Variants in ZNF532 observed in about 807,000 individuals in gnomAD.
ZNF532 encodes the protein zinc finger protein 532.
ZNF532 carries 22 observed loss-of-function variants against 89.3 expected under a neutral mutation model. The ratio of observed to expected loss-of-function variants is 0.25; its 90% CI spans 0.18 to 0.35. The LOEUF is 0.35. ZNF532 is among the 10% of genes least tolerant of loss of function. The probability of loss-of-function intolerance (pLI) is 1.00; values close to 1 mark genes in which losing one functional copy is unlikely to be tolerated. For missense variants in ZNF532, 1,132 were observed against 1,643.4 expected, an observed-to-expected ratio of 0.69 and a Z score of 5.38; for synonymous variants, 606 against 649.6, an observed-to-expected ratio of 0.93 and a Z score of 1.02.
chr18:58,976,394 T>C (rs886108101), intron 7 of ZNF532, among the ~76,000 whole-genome samples: 2 of 151,060 alleles, frequency 1.3e-5, no homozygotes, highest in East Asian at 1.9e-4. Flanking sequence ...CAAGAAGAAA[T>C]AGAATATTAA....
intron 2 of ZNF532, among the ~76,000 whole-genome samples, chr18:58,910,560 A>G (rs562273500): frequency 1.4e-4 from 21 of 151,760 alleles, no homozygotes; most frequent in Admixed American, 1.2e-3. Flanking sequence ...TCTGCCTTCC[A>G]GGTTCAAACG....
chr18:58,955,222 A>G (rs1452501495), intron 7 of ZNF532, among the ~76,000 whole-genome samples: 1 of 152,096 alleles, frequency 6.6e-6, no homozygotes, highest in Non-Finnish European at 1.5e-5. Flanking sequence ...ATGCCACTGC[A>G]CTCTACCCTG....
Position 58,919,969 on chromosome 18 carries a change from C to T in ZNF532, c.1682C>T (p.Ser561Leu), listed in dbSNP as rs368536275. The change falls in exon 3 of 10, where the codon TCG (serine) becomes TTG (leucine). Residue 561 changes from serine to leucine, a missense_variant. Physicochemically the swap from Ser to Leu is moderately radical, Grantham distance 145. Around this residue, in one of 9 missense-constraint regions of ZNF532, gnomAD observed 97 missense variants for 143.7 expected, o/e 0.68. Coordinates refer to ENST00000591808, the MANE Select transcript of ZNF532 (RefSeq NM_001375912.1). The surrounding 1 kb of genome is among the most constrained non-coding windows in gnomAD (Gnocchi z 6.1). Reference protein sequence around the residue: ...IKQAIINAAASQPPKKVSRVQ... With the variant: ...IKQAIINAAALQPPKKVSRVQ... ...CAGGCAATAATCAATGCAGCAGCCT[C>T]GCAACCCCCCAAAAAGGTGTCTCGA... The T allele has an allele frequency of 1.6e-5, 26 of 1,613,642 alleles. 1 individual carries two copies. The highest frequency in any genetic ancestry group is 2.2e-5 in the East Asian group (1 of 44,882).
At chr18:58,976,380 TACACAAGAAGAA>T (rs1295206221) in intron 7 of ZNF532, among the ~76,000 whole-genome samples, 581 of 152,352 alleles carry the variant, frequency 3.8e-3, no homozygotes, top group African/African-American at 0.013. Flanking sequence ...TTAATATTAC[TACACAAGAAGAA>T]ATAGAATATT....
chr18:58,866,994 TGTGGCA>T (rs2056523408), intron 2 of ZNF532, among the ~76,000 whole-genome samples: 1 of 152,252 alleles, frequency 6.6e-6, no homozygotes, highest in Non-Finnish European at 1.5e-5. Context: ...TGTGTATGAG[TGTGGCA>T]GGAATATGCT....
At chr18:58,962,013 G>A (rs967078378) in intron 7 of ZNF532, among the ~76,000 whole-genome samples, 2 of 152,132 alleles carry the variant, frequency 1.3e-5, no homozygotes, top group Non-Finnish European at 2.9e-5. Flanking sequence ...ATCATTTGAG[G>A]TCAGGAGTTT....
At position 58,919,058 on chromosome 18, in the gene ZNF532, G is replaced by A. The variant is rs778184319; in HGVS notation, c.771G>A (p.Ala257=). Residue 257 remains alanine (A), a synonymous_variant, in exon 3 of 10, where the codon GCG becomes GCA. Coordinates refer to ENST00000591808, the MANE Select transcript of ZNF532 (RefSeq NM_001375912.1). This position sits in a 1 kb window ranked among gnomAD's most constrained non-coding sequence, Gnocchi z 6.1. ...EKNDTSLPSV[A]PSKTKSSSKL... Reference sequence around the variant, plus strand: ...ATGACACCAGCCTCCCCAGCGTTGCGCCATCAAAGACAAAGTCGTCCTCCA... The same window carrying A: ...ATGACACCAGCCTCCCCAGCGTTGCACCATCAAAGACAAAGTCGTCCTCCA... 18 of 1,613,856 alleles carry A rather than the reference G, an allele frequency of 1.1e-5. No homozygotes were observed. The highest frequency in any genetic ancestry group is 1.0e-4 in the Admixed American group (6 of 59,990).
intron 2 of ZNF532, among the ~76,000 whole-genome samples, chr18:58,888,758 A>ATTT (rs2058552496): frequency 3.4e-5 from 1 of 29,522 alleles, no homozygotes; most frequent in African/African-American, 2.1e-4. Context: ...TATATATAAA[A>ATTT]TTAATATATA....
intron 8 of ZNF532, 139 bp downstream of exon 8, chr18:58,979,306 TAG>T (rs1434083132): frequency 9.1e-6 from 5 of 551,838 alleles, no homozygotes; most frequent in Admixed American, 6.8e-5. Flanking sequence ...TGTTTTGGCA[TAG>T]AGTTTTTGGA....
At chr18:58,920,777 TG>T (rs2060996722) in intron 3 of ZNF532, 144 bp downstream of exon 3, 1 of 628,234 alleles carries the variant, frequency 1.6e-6, no homozygotes, top group Admixed American at 3.1e-5. Context: ...TGTGTGTGTG[TG>T]TGTGTGTGTG....
chr18:58,965,560 C>G (rs2065838103), intron 7 of ZNF532, among the ~76,000 whole-genome samples: 1 of 152,164 alleles, frequency 6.6e-6, no homozygotes, highest in South Asian at 2.1e-4. Context: ...TTTACTTCTG[C>G]TTTTGATGTA....
At position 58,880,760 on chromosome 18, in the gene ZNF532, GCACGCGC is replaced by G. The variant is rs763172217; in HGVS notation, c.-18+15182_-18+15188del. Among the ~76,000 whole-genome samples the G allele has an allele frequency of 1.6e-4, 22 of 141,666 alleles. 1 individual carries two copies. Among genetic ancestry groups the G allele is most frequent in the East Asian group, 1.4e-3 (6 of 4,304 alleles). The allele number at this position is 141,666 out of a possible 152,430, so 92.9% of individuals were successfully genotyped here. A position where few individuals can be genotyped will look rare whatever the true frequency, so the allele number is the denominator to read the frequency against. Reference sequence around the variant, plus strand: ...TTTGAGCCCTCTCATAGGCGCGCGCGCACGCGCGCGCGTCTGTGTGTGTGTGTGTATG... The same window carrying G: ...TTTGAGCCCTCTCATAGGCGCGCGCGGCGCGTCTGTGTGTGTGTGTGTATG... On this transcript the variant is annotated intron_variant, in intron 2 of 9. Coordinates refer to ENST00000591808, the MANE Select transcript of ZNF532 (RefSeq NM_001375912.1).
intron 2 of ZNF532, among the ~76,000 whole-genome samples, chr18:58,910,373 A>C (rs1000738062): frequency 2.4e-4 from 36 of 152,138 alleles, no homozygotes; most frequent in Non-Finnish European, 7.3e-5. Flanking sequence ...CATTTGTATG[A>C]ATGACCAAAA....
intron 7 of ZNF532, among the ~76,000 whole-genome samples, chr18:58,960,761 A>G (rs184138359): frequency 2.4e-4 from 36 of 152,288 alleles, no homozygotes; most frequent in African/African-American, 8.4e-4. Flanking sequence ...TAGCTGACTC[A>G]TGGCTCACTG....
At chr18:58,951,883 T>C (rs2064233378) in intron 6 of ZNF532, among the ~76,000 whole-genome samples, 1 of 152,036 alleles carries the variant, frequency 6.6e-6, no homozygotes, top group South Asian at 2.1e-4. Flanking sequence ...TCTCCTGACC[T>C]CGTGATCCAC....
chr18:58,981,404 G>C (rs1432021163), intron 8 of ZNF532, 66 bp from the exon 9 acceptor site: 1 of 1,569,484 alleles, frequency 6.4e-7, no homozygotes, highest in Non-Finnish European at 8.6e-7. Context: ...ACCTTCGACC[G>C]TGAGTTCTTC....
intron 7 of ZNF532, among the ~76,000 whole-genome samples, chr18:58,978,205 A>C (rs1379142709): frequency 1.3e-5 from 2 of 152,166 alleles, no homozygotes; most frequent in Admixed American, 1.3e-4. Context: ...TCATCCCCTA[A>C]GTATACCAGC....
intron 2 of ZNF532, among the ~76,000 whole-genome samples, chr18:58,906,639 G>GT (rs1362242846): frequency 1.3e-5 from 2 of 152,244 alleles, no homozygotes; most frequent in Non-Finnish European, 2.9e-5. Flanking sequence ...CCGGTGCTGG[G>GT]TTCACCTTCT....
chr18:58,943,453 C>T (rs1365304632), intron 5 of ZNF532, among the ~76,000 whole-genome samples: 2 of 148,970 alleles, frequency 1.3e-5, no homozygotes, highest in Non-Finnish European at 3.0e-5. Context: ...AGCCACCGCG[C>T]CCAGCCTTTT....
Sources: gnomAD v4.1 joint callset for allele counts (sites outside exome capture counted in the v4.1 genomes callset) on GRCh38, gnomAD v4.1.1 for gene constraint, gnomAD v4.1.1 regional missense constraint, Gnocchi (gnomAD v3.1) non-coding constraint, MANE v1.5 for transcripts, NCBI Gene and HGNC (gene_info 2026-07-23, HGNC 2026-07-21) for gene names.